The following IL20RB variants were observed in gnomAD, a reference collection of about 807,000 sequenced individuals.
The protein encoded by IL20RB is interleukin-20 receptor subunit beta.
Under a neutral mutation model 33.3 loss-of-function variants are expected in IL20RB, and 21 were observed. The ratio of observed to expected loss-of-function variants is 0.63; its 90% confidence interval spans 0.45 to 0.91. The LOEUF (loss-of-function observed/expected upper bound fraction) is 0.91. Ranked by LOEUF, IL20RB falls within the 40% of genes least tolerant of loss-of-function variation. The probability of loss-of-function intolerance (pLI) is 0.00; values close to 1 mark genes in which losing one functional copy is unlikely to be tolerated. For synonymous variants in IL20RB, 147 were observed against 146.8 expected (o/e 1.00, Z -0.01); for missense variants, 345 against 384.8 (o/e 0.90, Z 0.86).
intron 3 of IL20RB, among the ~76,000 whole-genome samples, chr3:136,984,099 G>A (rs1341370744): frequency 2.6e-5 from 4 of 152,158 alleles, no homozygotes; most frequent in South Asian, 4.1e-4. Context: ...TCAGCCTCAC[G>A]AAGTGCTGGG....
At chr3:136,976,825 G>A (rs361246) in intron 1 of IL20RB, among the ~76,000 whole-genome samples, 70,350 of 152,020 alleles carry the variant, frequency 0.46, 16,792 homozygotes, top group East Asian at 0.7. Flanking sequence ...AGTGTGGGAC[G>A]CAGCATGAGT....
In IL20RB at chr3:136,970,137, G is replaced by T. The variant is rs1941435025; in HGVS notation, c.89-10329G>T. ...GACAGGGTCACACTCTGTCACCCCA[G>T]GCTAGAGTGCAATGCCTCAATCACA... On this transcript the variant is annotated intron_variant, in intron 1 of 6. Coordinates refer to ENST00000329582, the MANE Select transcript of IL20RB (RefSeq NM_144717.4). Among the ~76,000 whole-genome samples the T allele has an allele frequency of 2.0e-5, 3 of 151,240 alleles. No individual in the cohort carries two copies. The South Asian group carries it at 6.3e-4, about 32-fold the overall frequency.
chr3:136,985,267 C>T (rs1429049669), intron 3 of IL20RB, among the ~76,000 whole-genome samples: 1 of 151,778 alleles, frequency 6.6e-6, no homozygotes, highest in Non-Finnish European at 1.5e-5. Flanking sequence ...ACTCAGACTT[C>T]TCCCCAGGAA....
chr3:136,993,012 T>A (rs1221386179), intron 5 of IL20RB, among the ~76,000 whole-genome samples: 1 of 152,172 alleles, frequency 6.6e-6, no homozygotes, highest in Non-Finnish European at 1.5e-5. Flanking sequence ...TTATGCTACT[T>A]TATAAAATCA....
chr3:136,989,639 A>G (rs1207018420), intron 4 of IL20RB, 74 bp downstream of exon 4: 2 of 1,566,572 alleles, frequency 1.3e-6, no homozygotes, highest in Middle Eastern at 2.2e-4. Flanking sequence ...GAGCAAGGGA[A>G]GGCTGCCCCT....
chr3:136,958,795 T>C lies in IL20RB; in HGVS notation c.88+594T>C, dbSNP rs1941114584. ...CCTATCTGCTTTATTGTCTTAAAAT[T>C]GGAACTCTGTAGCCTTTGATGTTTG... On this transcript the variant is annotated intron_variant, in intron 1 of 6. Transcript: ENST00000329582. 2.0e-5 allele frequency among the ~76,000 whole-genome samples: 3 copies of C among 152,176 alleles called. No individual in the cohort carries two copies. In the South Asian group the frequency reaches 6.2e-4, roughly 31 times the overall value.
chr3:136,993,112 C>T lies in IL20RB; in HGVS notation c.682+1024C>T, dbSNP rs145322768. Among the ~76,000 whole-genome samples the T allele has an allele frequency of 8.2e-3, 1,252 of 152,286 alleles. 10 individuals carry two copies. The highest frequency in any genetic ancestry group is 0.018 in the South Asian group (87 of 4,820). ...GCATGGTGGCTCACACCTGTAATCC[C>T]GGCACTTTGGGAGGCTGAGGCAGAA... On this transcript the variant is annotated intron_variant, in intron 5 of 6. Transcript: ENST00000329582.
intron 1 of IL20RB, among the ~76,000 whole-genome samples, chr3:136,961,970 T>C (rs1941230056): frequency 6.6e-6 from 1 of 152,096 alleles, no homozygotes; most frequent in Admixed American, 6.5e-5. Flanking sequence ...ACAATTTGAA[T>C]AATAAAATAA....
intron 1 of IL20RB, among the ~76,000 whole-genome samples, chr3:136,975,832 G>A (rs761480968): frequency 3.3e-5 from 5 of 152,222 alleles, no homozygotes; most frequent in Non-Finnish European, 5.9e-5. Context: ...TTATGTATGC[G>A]GGCACTGGTG....
rs1387323876 is a variant in IL20RB at position 136,991,964 on chromosome 3, G to C, written c.558G>C (p.Gly186=). 2.5e-6 allele frequency: 4 copies of C among 1,614,044 alleles called. No homozygotes were observed. The highest frequency in any genetic ancestry group is 2.7e-5 in the African/African-American group (2 of 74,942). The part of the protein sequence containing the change: ...AEEHVKMVRS[G]GIPVHLETME... ...AACATGTCAAAATGGTGAGGAGTGG[G>C]GGTATTCCAGTGCACCTAGAAACCA... Residue 186 remains glycine, a synonymous_variant, in exon 5 of 7, where the codon GGG becomes GGC. Transcript: ENST00000329582.
intron 2 of IL20RB, among the ~76,000 whole-genome samples, chr3:136,981,436 T>TA (rs1941772628): frequency 1.3e-5 from 2 of 152,150 alleles, no homozygotes; most frequent in Non-Finnish European, 2.9e-5. Context: ...AGCACTGCTC[T>TA]AGGGAATTTT....
intron 3 of IL20RB, 91 bp from the exon 4 acceptor site, chr3:136,989,350 A>G (rs1941983741): frequency 6.8e-7 from 1 of 1,471,524 alleles, no homozygotes; most frequent in South Asian, 1.2e-5. Context: ...ACGGAGACGG[A>G]CATATTTCCA....
At chr3:136,981,182 A>G (rs1460628582) in intron 2 of IL20RB, among the ~76,000 whole-genome samples, 1 of 152,162 alleles carries the variant, frequency 6.6e-6, no homozygotes, top group Non-Finnish European at 1.5e-5. Flanking sequence ...GAGAGCTTAC[A>G]TCTAGAGGAG....
At chr3:136,976,603 C>T (rs796194482) in intron 1 of IL20RB, among the ~76,000 whole-genome samples, 43 of 152,318 alleles carry the variant, frequency 2.8e-4, no homozygotes, top group African/African-American at 9.6e-4. Flanking sequence ...CACTCACTTC[C>T]CAGCATTGTC....
chr3:136,970,995 A>G (rs1235495441), intron 1 of IL20RB, among the ~76,000 whole-genome samples: 3 of 151,978 alleles, frequency 2.0e-5, no homozygotes, highest in Non-Finnish European at 4.4e-5. Flanking sequence ...AATGTGAAAT[A>G]TTGTTACTGT....
intron 6 of IL20RB, among the ~76,000 whole-genome samples, chr3:137,007,779 C>T (rs1462321937): frequency 6.6e-6 from 1 of 152,188 alleles, no homozygotes; most frequent in Non-Finnish European, 1.5e-5. Context: ...TCAGCTCGCC[C>T]TCTGTGGGCT....
intron 6 of IL20RB, among the ~76,000 whole-genome samples, chr3:137,004,606 G>A (rs1198207176): frequency 6.6e-6 from 1 of 152,096 alleles, no homozygotes; most frequent in Non-Finnish European, 1.5e-5. Flanking sequence ...GGGATCGGTG[G>A]TGATATCCCC....
At chr3:136,992,670 C>G (rs1360650980) in intron 5 of IL20RB, among the ~76,000 whole-genome samples, 1 of 152,048 alleles carries the variant, frequency 6.6e-6, no homozygotes, top group Non-Finnish European at 1.5e-5. Flanking sequence ...TTGTGTATAG[C>G]CTTTTAGTCT....
chr3:136,999,020 T>C (rs907320003), intron 6 of IL20RB, among the ~76,000 whole-genome samples: 1 of 152,202 alleles, frequency 6.6e-6, no homozygotes, highest in Non-Finnish European at 1.5e-5. Flanking sequence ...TTATCTTGCT[T>C]ATAGTATACT....
Sources: gnomAD v4.1 joint callset for allele counts (sites outside exome capture counted in the v4.1 genomes callset) on GRCh38, gnomAD v4.1.1 for gene constraint, MANE v1.5 for transcripts, NCBI Gene and HGNC (gene_info 2026-07-23, HGNC 2026-07-21) for gene names.